The following ST8SIA1 variants were observed in gnomAD, a reference collection of about 807,000 sequenced individuals.
ST8SIA1 encodes ST8 alpha-N-acetyl-neuraminide alpha-2,8-sialyltransferase 1.
ST8SIA1 carries 16 observed loss-of-function variants against 35.9 expected under a neutral mutation model. The observed-to-expected ratio is 0.45, with a 90% CI of 0.30 to 0.68. The LOEUF (loss-of-function observed/expected upper bound fraction) is 0.68, where lower values mean the gene tolerates loss of function less well. Ranked by LOEUF, ST8SIA1 falls within the 30% of genes least tolerant of loss-of-function variation. ST8SIA1 has a pLI of 0.09. For synonymous variants in ST8SIA1, 170 were observed against 169.6 expected (o/e 1.00, Z -0.02); for missense variants, 383 against 453.6 (o/e 0.84, Z 1.41).
At chr12:22,266,848 T>TACACACACACACACACAC (rs145606826) in intron 2 of ST8SIA1, among the ~76,000 whole-genome samples, 1 of 145,054 alleles carries the variant, frequency 6.9e-6, no homozygotes, top group African/African-American at 2.6e-5. Context: ...CACAAAAGTA[T>TACACACACACACACACAC]ACACACACAC....
At chr12:22,233,072 T>A (rs1865437056) in intron 4 of ST8SIA1, among the ~76,000 whole-genome samples, 1 of 152,010 alleles carries the variant, frequency 6.6e-6, no homozygotes, top group Admixed American at 6.6e-5. Flanking sequence ...ATTGAAAAGG[T>A]CCACTGCGTG....
At chr12:22,206,673 G>A (rs555930284) in intron 4 of ST8SIA1, among the ~76,000 whole-genome samples, 3 of 152,282 alleles carry the variant, frequency 2.0e-5, no homozygotes, top group African/African-American at 2.4e-5. Flanking sequence ...AGAAAGCAAC[G>A]TTGCCACCAT....
rs1157972726 is a variant in ST8SIA1 at position 22,297,429 on chromosome 12, T to C, written c.237-10136A>G. ...CAGATCCTAATTGTCTCTTTCATGATTCATGGCATACACTTCTGGTATTTC... is the reference window on the plus strand; with the variant it reads ...CAGATCCTAATTGTCTCTTTCATGACTCATGGCATACACTTCTGGTATTTC... On this transcript the variant is annotated intron_variant, in intron 1 of 4. Transcript: ENST00000396037. Among the ~76,000 whole-genome samples, 4 of 151,524 alleles carry C rather than the reference T, an allele frequency of 2.6e-5. No homozygotes were observed. In the South Asian group the frequency reaches 8.4e-4, roughly 32 times the overall value.
intron 1 of ST8SIA1, chr12:22,333,717 C>T (rs937524315): frequency 1.5e-5 from 9 of 596,892 alleles, no homozygotes; most frequent in Admixed American, 2.6e-5. Context: ...TTTGTTTATC[C>T]GTAAATTGTT....
chr12:22,330,868 G>A (rs944321126), intron 1 of ST8SIA1, among the ~76,000 whole-genome samples: 2 of 152,176 alleles, frequency 1.3e-5, no homozygotes, highest in African/African-American at 4.8e-5. Flanking sequence ...TCTGATGGAA[G>A]AAACAAACAC....
chr12:22,322,336 T>C (rs980085335), intron 1 of ST8SIA1, among the ~76,000 whole-genome samples: 12 of 152,356 alleles, frequency 7.9e-5, no homozygotes, highest in African/African-American at 2.9e-4. Context: ...GGCCTATCGC[T>C]CTGTTCTCAG....
intron 1 of ST8SIA1, among the ~76,000 whole-genome samples, chr12:22,331,890 T>A (rs1866770683): frequency 6.6e-6 from 1 of 152,182 alleles, no homozygotes; most frequent in African/African-American, 2.4e-5. Flanking sequence ...ACCAGAAATA[T>A]AATTTATAAC....
chr12:22,204,776 A>G (rs1865088275), intron 4 of ST8SIA1, among the ~76,000 whole-genome samples: 1 of 152,200 alleles, frequency 6.6e-6, no homozygotes, highest in Non-Finnish European at 1.5e-5. Flanking sequence ...TCTGTGACAA[A>G]TGACATTATT....
At chr12:22,237,851 G>A (rs922287942) in intron 4 of ST8SIA1, among the ~76,000 whole-genome samples, 1 of 152,000 alleles carries the variant, frequency 6.6e-6, no homozygotes, top group Non-Finnish European at 1.5e-5. Flanking sequence ...TTCGTTAATT[G>A]TGGTAGACTT....
intron 4 of ST8SIA1, among the ~76,000 whole-genome samples, chr12:22,238,169 C>CCT (rs762719554): frequency 1.3e-5 from 2 of 151,994 alleles, no homozygotes; most frequent in African/African-American, 4.8e-5. Context: ...GAACTCCCCC[C>CCT]CCAACAAGAG....
intron 4 of ST8SIA1, among the ~76,000 whole-genome samples, chr12:22,247,310 A>G (rs1226608820): frequency 1.3e-5 from 2 of 152,184 alleles, no homozygotes; most frequent in African/African-American, 4.8e-5. Flanking sequence ...TTCCTTCTTA[A>G]AAGTTATTTT....
chr12:22,220,281 C>T (rs1476615992), intron 4 of ST8SIA1, among the ~76,000 whole-genome samples: 1 of 152,144 alleles, frequency 6.6e-6, no homozygotes, highest in Non-Finnish European at 1.5e-5. Context: ...TTATGTCTTC[C>T]TCTTCACAAA....
intron 2 of ST8SIA1, among the ~76,000 whole-genome samples, chr12:22,259,773 C>T (rs1865768003): frequency 6.6e-6 from 1 of 152,040 alleles, no homozygotes; most frequent in South Asian, 2.1e-4. Context: ...GCCAAAAATA[C>T]TATGGATTTT....
chr12:22,305,085 AAAG>A (rs1866367904), intron 1 of ST8SIA1, among the ~76,000 whole-genome samples: 1 of 152,220 alleles, frequency 6.6e-6, no homozygotes, highest in African/African-American at 2.4e-5. Flanking sequence ...GAAAAACACA[AAAG>A]AAGAGGTCTT....
Position 22,239,845 on chromosome 12 carries a change from A to G in ST8SIA1, c.584+9161T>C, listed in dbSNP as rs557240667. Among the ~76,000 whole-genome samples the G allele has an allele frequency of 4.9e-4, 75 of 152,320 alleles. 1 individual carries two copies. The highest frequency in any genetic ancestry group is 1.7e-3 in the African/African-American group (72 of 41,580). ...CTGGAACCACAATAGGCTCCTTCTC[A>G]GGACTTAATATGGGACACCCTCAAC... On this transcript the variant is annotated intron_variant, in intron 4 of 4. Transcript: ENST00000396037.
intron 1 of ST8SIA1, among the ~76,000 whole-genome samples, chr12:22,295,819 A>G (rs1226115215): frequency 6.6e-6 from 1 of 152,210 alleles, no homozygotes; most frequent in Non-Finnish European, 1.5e-5. Flanking sequence ...AACTATGGCA[A>G]GGCTAAAGGA....
intron 2 of ST8SIA1, among the ~76,000 whole-genome samples, chr12:22,277,911 T>C (rs777458000): frequency 2.6e-5 from 4 of 152,150 alleles, no homozygotes; most frequent in Admixed American, 6.5e-5. Context: ...AGGGACAGAA[T>C]TGTGAGCATG....
intron 2 of ST8SIA1, among the ~76,000 whole-genome samples, chr12:22,256,571 G>C (rs1445161943): frequency 6.6e-6 from 1 of 152,174 alleles, no homozygotes; most frequent in Non-Finnish European, 1.5e-5. Context: ...ATAAGTATAT[G>C]AATATACACT....
rs144340101 is a variant in ST8SIA1, at chr12:22,280,331, T to A, written c.381+6818A>T. On this transcript the variant is annotated intron_variant, in intron 2 of 4. Coordinates refer to ENST00000396037, the MANE Select transcript of ST8SIA1 (RefSeq NM_003034.4). ...AAAAAAAACTAAAGGTATACCAGGTTCTCCTGCAGGGAAACACCCTGTCAT... is the reference window on the plus strand; with the variant it reads ...AAAAAAAACTAAAGGTATACCAGGTACTCCTGCAGGGAAACACCCTGTCAT... 2.3e-3 allele frequency among the ~76,000 whole-genome samples: 343 copies of A among 152,110 alleles called. 1 individual carries two copies. The highest frequency in any genetic ancestry group is 7.7e-3 in the African/African-American group (319 of 41,482).
Sources: allele counts gnomAD v4.1 joint callset (sites outside exome capture counted in the v4.1 genomes callset), GRCh38; gene constraint gnomAD v4.1.1; transcripts MANE v1.5; gene names NCBI Gene and HGNC (gene_info 2026-07-23, HGNC 2026-07-21).